The following MAGI2 variants were observed in gnomAD, a reference collection of about 807,000 sequenced individuals.
The protein encoded by MAGI2 is membrane associated guanylate kinase, WW and PDZ domain containing 2.
MAGI2 carries 35 observed loss-of-function variants against 133.3 expected under a neutral mutation model. That is an observed-to-expected ratio of 0.26 (90% CI 0.20 to 0.35). The LOEUF (loss-of-function observed/expected upper bound fraction) is 0.35. Among genes scored for constraint, MAGI2 ranks in the 10% least tolerant of loss-of-function variants. MAGI2 has a pLI of 1.00. For synonymous variants in MAGI2, 729 were observed against 710.6 expected (o/e 1.03, Z -0.41); for missense variants, 1,636 against 1,863.4 (o/e 0.88, Z 2.25).
chr7:78,990,317 GA>G (rs548566491), intron 2 of MAGI2, among the ~76,000 whole-genome samples: 2 of 151,676 alleles, frequency 1.3e-5, no homozygotes, highest in South Asian at 4.2e-4. Context: ...AGCTTTACTG[GA>G]AAAAAAATAG....
intron 1 of MAGI2, among the ~76,000 whole-genome samples, chr7:79,218,992 A>G (rs1025659198): frequency 6.6e-6 from 1 of 152,098 alleles, no homozygotes; most frequent in Non-Finnish European, 1.5e-5. Flanking sequence ...AGAGAATTTT[A>G]AGTAAAGAAC....
intron 1 of MAGI2, among the ~76,000 whole-genome samples, chr7:79,329,399 T>C (rs767433950): frequency 3.4e-4 from 52 of 152,262 alleles, no homozygotes; most frequent in Non-Finnish European, 6.0e-4. Flanking sequence ...TATAATTATT[T>C]AGCACATGAC....
At chr7:79,210,345 T>G (rs560742722) in intron 1 of MAGI2, among the ~76,000 whole-genome samples, 1 of 152,218 alleles carries the variant, frequency 6.6e-6, no homozygotes, top group Non-Finnish European at 1.5e-5. Context: ...TATTATAACA[T>G]GCATACTTTC....
At chr7:78,221,728 C>G (rs144987268) in intron 10 of MAGI2, among the ~76,000 whole-genome samples, 2 of 151,936 alleles carry the variant, frequency 1.3e-5, no homozygotes, top group African/African-American at 4.8e-5. Context: ...TGCAGTGGCT[C>G]ACACCTATAA....
intron 9 of MAGI2, among the ~76,000 whole-genome samples, chr7:78,292,468 T>C (rs1419592987): frequency 1.3e-5 from 2 of 152,182 alleles, no homozygotes; most frequent in Admixed American, 1.3e-4. Context: ...TCCATGCTCA[T>C]GGGTAGGAAG....
chr7:78,590,331 C>G (rs1273414526), intron 3 of MAGI2, among the ~76,000 whole-genome samples: 2 of 152,084 alleles, frequency 1.3e-5, no homozygotes, highest in South Asian at 2.1e-4. Flanking sequence ...TTCAAAAGAA[C>G]AGTTTGGTCC....
At chr7:78,808,377 C>A (rs541204817) in intron 2 of MAGI2, among the ~76,000 whole-genome samples, 2 of 152,286 alleles carry the variant, frequency 1.3e-5, no homozygotes, top group Non-Finnish European at 2.9e-5. Flanking sequence ...CTGCCTCAGC[C>A]TCCCAAGTAG....
intron 1 of MAGI2, among the ~76,000 whole-genome samples, chr7:79,159,037 C>T (rs906550901): frequency 2.0e-5 from 3 of 151,180 alleles, no homozygotes; most frequent in Non-Finnish European, 4.4e-5. Flanking sequence ...TTAAAAGGAA[C>T]CAGGAAATAA....
chr7:78,725,374 T>C (rs1171358227), intron 2 of MAGI2, among the ~76,000 whole-genome samples: 1 of 152,256 alleles, frequency 6.6e-6, no homozygotes, highest in South Asian at 2.1e-4. Context: ...GTTTATATGT[T>C]GTTTCCTTTC....
chr7:78,227,457 A>G (rs919186026), intron 10 of MAGI2, among the ~76,000 whole-genome samples: 5 of 152,132 alleles, frequency 3.3e-5, no homozygotes, highest in African/African-American at 1.2e-4. Flanking sequence ...TCTCACCTCT[A>G]AGGTCTCATG....
At chr7:79,102,394 C>G (rs1318427602) in intron 1 of MAGI2, among the ~76,000 whole-genome samples, 4 of 152,160 alleles carry the variant, frequency 2.6e-5, no homozygotes, top group African/African-American at 9.7e-5. Context: ...TAAGCAAATT[C>G]TAGATCTTTT....
chr7:79,253,183 T>C (rs1288303449), intron 1 of MAGI2, among the ~76,000 whole-genome samples: 1 of 152,226 alleles, frequency 6.6e-6, no homozygotes, highest in Non-Finnish European at 1.5e-5. Flanking sequence ...TTATTATTTT[T>C]TAAAATATCA....
At chr7:78,685,907 A>C (rs557161244) in intron 2 of MAGI2, among the ~76,000 whole-genome samples, 62 of 152,132 alleles carry the variant, frequency 4.1e-4, no homozygotes, top group African/African-American at 1.4e-3. Flanking sequence ...CTTACGTTCA[A>C]AAAATTTCTC....
intron 7 of MAGI2, among the ~76,000 whole-genome samples, chr7:78,368,235 C>T (rs140652181): frequency 0.046 from 7,010 of 152,224 alleles, 254 homozygotes; most frequent in Middle Eastern, 0.065. Context: ...GCTCAGTAAC[C>T]GTTTTTGAAT....
At chr7:78,574,522 T>C (rs561749709) in intron 3 of MAGI2, among the ~76,000 whole-genome samples, 4 of 152,368 alleles carry the variant, frequency 2.6e-5, no homozygotes, top group African/African-American at 9.6e-5. Flanking sequence ...TAATTTTAGA[T>C]ACAATTGCCA....
At chr7:78,050,821 G>T (rs1811929642) in intron 21 of MAGI2, among the ~76,000 whole-genome samples, 1 of 152,136 alleles carries the variant, frequency 6.6e-6, no homozygotes. Flanking sequence ...GCACATATTT[G>T]CAGGCAAAGG....
intron 2 of MAGI2, among the ~76,000 whole-genome samples, chr7:78,748,586 T>C (rs1360506266): frequency 6.6e-6 from 1 of 152,168 alleles, no homozygotes. Context: ...TTAATTATAT[T>C]TTCCTTAATT....
chr7:78,371,255 T>C (rs2151267088), intron 6 of MAGI2, among the ~76,000 whole-genome samples: 1 of 152,022 alleles, frequency 6.6e-6, no homozygotes, highest in South Asian at 2.1e-4. Flanking sequence ...AACAGCTCAT[T>C]CAAAACCCTT....
At chr7:78,976,623 T>C (rs1176654252) in intron 2 of MAGI2, among the ~76,000 whole-genome samples, 3 of 151,064 alleles carry the variant, frequency 2.0e-5, no homozygotes. Flanking sequence ...AGAAAAAGAA[T>C]TAAAAGCCAT....
Sources: gnomAD v4.1 joint callset for allele counts (sites outside exome capture counted in the v4.1 genomes callset) on GRCh38, gnomAD v4.1.1 for gene constraint, MANE v1.5 for transcripts, NCBI Gene and HGNC (gene_info 2026-07-23, HGNC 2026-07-21) for gene names.